The following LRRIQ3 variants were observed in gnomAD, a reference collection of about 807,000 sequenced individuals.
LRRIQ3 encodes the protein leucine-rich repeat and IQ domain-containing protein 3.
Under a neutral mutation model 59.3 loss-of-function variants are expected in LRRIQ3, and 75 were observed. The observed-to-expected ratio is 1.26, with a 90% CI of 1.05 to 1.53. The LOEUF is 1.53. Ranked by LOEUF, LRRIQ3 falls within the 40% of genes most tolerant of loss-of-function variation. The probability of loss-of-function intolerance (pLI) is 0.00; values close to 1 mark genes in which losing one functional copy is unlikely to be tolerated. For synonymous variants in LRRIQ3, 250 were observed against 231.3 expected (o/e 1.08, Z -0.73); for missense variants, 831 against 710.0 (o/e 1.17, Z -1.94).
chr1:74,194,620 G>C (rs949918312), intron 1 of LRRIQ3, among the ~76,000 whole-genome samples: 7 of 151,894 alleles, frequency 4.6e-5, no homozygotes, highest in African/African-American at 1.7e-4. Context: ...AAAAGCATAA[G>C]CCTGAAAAAA....
At chr1:74,175,421 G>A (rs1341419451) in intron 3 of LRRIQ3, among the ~76,000 whole-genome samples, 2 of 152,084 alleles carry the variant, frequency 1.3e-5, no homozygotes, top group Admixed American at 6.5e-5. Context: ...CAAGATAGAA[G>A]TGCACTTCTC....
intron 4 of LRRIQ3, among the ~76,000 whole-genome samples, chr1:74,118,475 A>G (rs973843034): frequency 4.6e-5 from 7 of 152,208 alleles, no homozygotes; most frequent in Admixed American, 3.3e-4. Context: ...AAGGACACAC[A>G]TAAGTTTTTC....
chr1:74,085,596 G>T lies in LRRIQ3; in HGVS notation c.868-10806C>A, dbSNP rs148240033. Among the ~76,000 whole-genome samples the T allele has an allele frequency of 1.1e-4, 17 of 151,920 alleles. 1 individual carries two copies. The East Asian group carries it at 3.3e-3, about 29-fold the overall frequency. The stretch of plus-strand genomic sequence containing the variant: ...TGCAAGTTGAAGTGAAGAGGGAAAA[G>T]ATAAAGAGGTACAATCTTGGAATAA... On this transcript the variant is annotated intron_variant, in intron 5 of 7. Transcript: ENST00000354431.
At chr1:74,083,004 G>C (rs751728333) in intron 5 of LRRIQ3, 7 of 151,598 alleles carry the variant, frequency 4.6e-5, no homozygotes, top group Non-Finnish European at 8.9e-5. Context: ...CTCATATGAA[G>C]TATAGTTATG....
intron 6 of LRRIQ3, among the ~76,000 whole-genome samples, chr1:74,049,929 T>C (rs552095951): frequency 2.7e-4 from 41 of 149,358 alleles, no homozygotes; most frequent in African/African-American, 8.8e-4. Context: ...TTTTTTCTTT[T>C]TTTTTTTTTT....
intron 3 of LRRIQ3, among the ~76,000 whole-genome samples, chr1:74,164,486 C>T (rs1159476752): frequency 1.3e-5 from 2 of 151,468 alleles, no homozygotes; most frequent in East Asian, 1.9e-4. Flanking sequence ...TCTTGGATTT[C>T]TAGCCTCCAG....
rs540720673 is a variant in LRRIQ3, at chr1:74,097,612, A to C, written c.867+11782T>G. Among the ~76,000 whole-genome samples, 389 of 152,218 alleles carry C rather than the reference A, an allele frequency of 2.6e-3. 3 individuals are homozygous for C. The highest frequency in any genetic ancestry group is 8.3e-3 in the African/African-American group (345 of 41,540). On this transcript the variant is annotated intron_variant, in intron 5 of 7. Transcript: ENST00000354431. Reference sequence around the variant, plus strand: ...CCAAGACACATAATTGTCAGATTCAACAAAGTTGAAATGAAGGAAAAAATG... The same window carrying C: ...CCAAGACACATAATTGTCAGATTCACCAAAGTTGAAATGAAGGAAAAAATG...
chr1:74,175,652 G>C (rs1299427224), intron 3 of LRRIQ3, among the ~76,000 whole-genome samples: 1 of 152,102 alleles, frequency 6.6e-6, no homozygotes, highest in Non-Finnish European at 1.5e-5. Flanking sequence ...CTGGGTTCTG[G>C]AATTCTCACA....
At chr1:74,165,478 A>G (rs1648925815) in intron 3 of LRRIQ3, among the ~76,000 whole-genome samples, 1 of 151,500 alleles carries the variant, frequency 6.6e-6, no homozygotes, top group Non-Finnish European at 1.5e-5. Flanking sequence ...TAGTTCTAAT[A>G]TATTCTTTGT....
At chr1:74,047,594 G>GTA (rs1309626984) in intron 6 of LRRIQ3, among the ~76,000 whole-genome samples, 14 of 151,712 alleles carry the variant, frequency 9.2e-5, no homozygotes, top group East Asian at 1.9e-4. Flanking sequence ...AGAAATTAAA[G>GTA]TATATATATA....
At chr1:74,180,947 T>C (rs1251946728) in intron 3 of LRRIQ3, 11 of 694,196 alleles carry the variant, frequency 1.6e-5, no homozygotes, top group Non-Finnish European at 1.9e-5. Flanking sequence ...TGACATTTTA[T>C]GGTTGTTTAG....
chr1:74,192,540 G>A (rs921439242), intron 1 of LRRIQ3, among the ~76,000 whole-genome samples: 2 of 151,804 alleles, frequency 1.3e-5, no homozygotes, highest in African/African-American at 4.8e-5. Context: ...TTTCTTTTTA[G>A]TTGATGTGAT....
chr1:74,153,999 T>A (rs1481978509), intron 4 of LRRIQ3, among the ~76,000 whole-genome samples: 1 of 151,942 alleles, frequency 6.6e-6, no homozygotes, highest in East Asian at 1.9e-4. Flanking sequence ...CCCAGCACTT[T>A]GGGGGGCCGA....
chr1:74,145,206 G>A (rs1647492225), intron 4 of LRRIQ3, among the ~76,000 whole-genome samples: 1 of 152,080 alleles, frequency 6.6e-6, no homozygotes, highest in Middle Eastern at 3.4e-3. Context: ...TAACCAATTC[G>A]GTGCTTTTTC....
intron 5 of LRRIQ3, among the ~76,000 whole-genome samples, chr1:74,101,386 C>A (rs35897655): frequency 2.0e-5 from 3 of 151,904 alleles, no homozygotes; most frequent in Admixed American, 2.0e-4. Context: ...TTAGAATGGC[C>A]ATCATTAAAA....
At position 74,155,768 on chromosome 1, in the gene LRRIQ3, T is replaced by A. The variant is rs201463567; in HGVS notation, c.672A>T (p.Arg224Ser). ...AHNSPVLIVQ[R>S]WIRGFLVRKN... Reference sequence around the variant, plus strand: ...TTCTAACTAAGAAACCACGTATCCATCTTTGAACAATCAAAACTGGTGAAT... The same window carrying A: ...TTCTAACTAAGAAACCACGTATCCAACTTTGAACAATCAAAACTGGTGAAT... Residue 224 changes from arginine (R) to serine (S), a missense_variant, in exon 4 of 8, where the codon AGA becomes AGT. Transcript: ENST00000354431. 3 of 1,584,726 alleles carry A rather than the reference T, an allele frequency of 1.9e-6. No individual in the cohort carries two copies. The highest frequency in any genetic ancestry group is 4.6e-5 in the East Asian group (2 of 43,276).
intron 4 of LRRIQ3, among the ~76,000 whole-genome samples, chr1:74,124,636 T>C (rs1054395002): frequency 1.1e-4 from 17 of 152,042 alleles, no homozygotes; most frequent in South Asian, 4.1e-4. Context: ...CAATGCATGT[T>C]CTTGGCACCT....
intron 6 of LRRIQ3, among the ~76,000 whole-genome samples, chr1:74,053,899 C>T (rs1654446757): frequency 6.6e-6 from 1 of 152,058 alleles, no homozygotes; most frequent in African/African-American, 2.4e-5. Flanking sequence ...ACAACAGGAC[C>T]TCTCATTCAT....
chr1:74,118,235 C>T (rs191394228), intron 4 of LRRIQ3, among the ~76,000 whole-genome samples: 52 of 152,214 alleles, frequency 3.4e-4, no homozygotes, highest in Non-Finnish European at 6.2e-4. Flanking sequence ...GACCATTGCA[C>T]AGGCACCTAC....
Sources: allele counts gnomAD v4.1 joint callset (sites outside exome capture counted in the v4.1 genomes callset), GRCh38; gene constraint gnomAD v4.1.1; transcripts MANE v1.5; gene names NCBI Gene and HGNC (gene_info 2026-07-23, HGNC 2026-07-21).